The following COL21A1 variants were observed in gnomAD, a reference collection of about 807,000 sequenced individuals.
COL21A1 encodes the protein collagen type XXI alpha 1 chain.
In COL21A1, 149 loss-of-function variants were observed where a neutral mutation model predicts 137.9. The ratio of observed to expected loss-of-function variants is 1.08; its 90% confidence interval spans 0.95 to 1.24. COL21A1 has a LOEUF of 1.24. COL21A1 is among the 50% of genes most tolerant of loss of function. COL21A1 has a pLI of 0.00. For missense variants in COL21A1, 1,167 were observed against 1,158.4 expected (o/e 1.01, Z -0.11); for synonymous variants, 456 against 391.5 (o/e 1.16, Z -1.95).
chr6:56,121,509 T>C lies in COL21A1; in HGVS notation c.1758+2553A>G, dbSNP rs934284075. Among the ~76,000 whole-genome samples, 6 of 116,998 alleles carry C rather than the reference T, an allele frequency of 5.1e-5. No individual in the cohort carries two copies. The Admixed American group carries it at 5.7e-4, about 11-fold the overall frequency. The allele number at this position is 116,998 out of a possible 152,430, so 76.8% of individuals were successfully genotyped here. On this transcript the variant is annotated intron_variant, in intron 16 of 29. Transcript: ENST00000244728. ...ATATACATATATATGTATATTCATA[T>C]GTGTATATATATATACATATACATA...
At chr6:56,252,285 T>G (rs539609268), upstream of COL21A1, among the ~76,000 whole-genome samples, 3 of 152,350 alleles carry the variant, frequency 2.0e-5, no homozygotes, top group South Asian at 2.1e-4. Context: ...TGGCCAACTT[T>G]CCAGGCCTGG....
chr6:56,260,693 C>G (rs12195165), intron 1 of COL21A1, among the ~76,000 whole-genome samples: 3 of 40,610 alleles, frequency 7.4e-5, no homozygotes, highest in Non-Finnish European at 1.4e-4. Flanking sequence ...GGAAGGAAGG[C>G]AGGCAGGCAG....
intron 1 of COL21A1, among the ~76,000 whole-genome samples, chr6:56,359,433 C>T (rs188649402): frequency 6.6e-6 from 1 of 152,270 alleles, no homozygotes; most frequent in East Asian, 1.9e-4. Flanking sequence ...ACCAAAGCAC[C>T]TCACAATACC....
At chr6:56,071,762 G>A (rs918366428) in intron 20 of COL21A1, among the ~76,000 whole-genome samples, 3 of 151,480 alleles carry the variant, frequency 2.0e-5, no homozygotes, top group African/African-American at 7.3e-5. Flanking sequence ...GAGATTTGTT[G>A]AAAGTTATCT....
In COL21A1 at chr6:56,231,996, A is replaced by G. The variant is rs149880243; in HGVS notation, c.-39+15391T>C. 5.3e-3 allele frequency among the ~76,000 whole-genome samples: 799 copies of G among 151,992 alleles called. 3 individuals carry two copies. Among genetic ancestry groups the G allele is most frequent in the Admixed American group, 0.013 (199 of 15,226 alleles). On this transcript the variant is annotated intron_variant, in intron 1 of 29. Transcript: ENST00000244728. Reference sequence around the variant, plus strand: ...TATGAGATTTCTTAAACTATTTGACATTGTTTTCAACACACACAAAAAAAG... The same window carrying G: ...TATGAGATTTCTTAAACTATTTGACGTTGTTTTCAACACACACAAAAAAAG...
Position 56,358,696 on chromosome 6 carries a change from A to G in COL21A1, c.-39+35275T>C, listed in dbSNP as rs57002243. ...CAGAAGAAAAGTTTAGCATTAAAAT[A>G]TGGAATTCTACCAAACATGTCCCCA... On this transcript the variant is annotated intron_variant, in intron 1 of 28. Transcript: ENST00000370819. 7.2e-3 allele frequency among the ~76,000 whole-genome samples: 1,098 copies of G among 152,354 alleles called. 10 individuals are homozygous for G. The highest frequency in any genetic ancestry group is 0.025 in the African/African-American group (1,030 of 41,588).
chr6:56,097,236 C>T (rs1769407868), intron 17 of COL21A1, among the ~76,000 whole-genome samples: 1 of 152,082 alleles, frequency 6.6e-6, no homozygotes, highest in African/African-American at 2.4e-5. Flanking sequence ...TCCTGTGTTC[C>T]CCAATCCATT....
chr6:56,145,596 AG>A (rs1477976455), intron 10 of COL21A1, among the ~76,000 whole-genome samples: 3 of 152,190 alleles, frequency 2.0e-5, no homozygotes, highest in African/African-American at 7.2e-5. Flanking sequence ...TCAACCTTAA[AG>A]AAAGGAAAAT....
chr6:56,179,536 A>G (rs1341899653), intron 3 of COL21A1, 42 bp downstream of exon 3: 2 of 1,448,632 alleles, frequency 1.4e-6, no homozygotes, highest in South Asian at 1.3e-5. Context: ...AAGCACAATT[A>G]TTAATTGCTT....
chr6:56,224,069 T>C (rs1781037157), intron 1 of COL21A1, among the ~76,000 whole-genome samples: 1 of 152,086 alleles, frequency 6.6e-6, no homozygotes, highest in Non-Finnish European at 1.5e-5. Flanking sequence ...GATTTACTAG[T>C]ACCCTTTTTA....
At chr6:56,355,981 G>T (rs1022347500) in intron 1 of COL21A1, among the ~76,000 whole-genome samples, 2 of 152,224 alleles carry the variant, frequency 1.3e-5, no homozygotes, top group Non-Finnish European at 2.9e-5. Flanking sequence ...GGATGCAGAA[G>T]CTGAGGAGGA....
intron 1 of COL21A1, among the ~76,000 whole-genome samples, chr6:56,223,042 C>CA (rs3065976): frequency 0.019 from 2,898 of 149,326 alleles, 26 homozygotes; most frequent in Non-Finnish European, 0.029. Flanking sequence ...CTATTCAGAA[C>CA]AAAAAAAAAA....
intron 1 of COL21A1, among the ~76,000 whole-genome samples, chr6:56,323,804 C>T (rs542450787): frequency 6.6e-6 from 1 of 152,206 alleles, no homozygotes; most frequent in Admixed American, 6.6e-5. Flanking sequence ...TAAGTATTTA[C>T]TTAAGCATTC....
At chr6:56,362,890 G>C (rs1186118685) in intron 1 of COL21A1, among the ~76,000 whole-genome samples, 3 of 152,080 alleles carry the variant, frequency 2.0e-5, no homozygotes, top group African/African-American at 7.2e-5. Context: ...CCACTTGGCA[G>C]CAAACCCTAC....
In COL21A1 at chr6:56,223,854, C is replaced by T. The variant is rs546512517; in HGVS notation, c.-39+23533G>A. ...AATTGATACATGCATTAAGATTTTA[C>T]ATTTTATTTTATTTTTTTAAACTGT... On this transcript the variant is annotated intron_variant, in intron 1 of 29. Transcript: ENST00000244728. Among the ~76,000 whole-genome samples the T allele has an allele frequency of 4.9e-4, 74 of 152,078 alleles. 3 individuals carry two copies. The South Asian group carries it at 0.015, about 31-fold the overall frequency.
chr6:56,342,811 TCTTCCA>T (rs1399850033), intron 1 of COL21A1, among the ~76,000 whole-genome samples: 1 of 152,214 alleles, frequency 6.6e-6, no homozygotes, highest in African/African-American at 2.4e-5. Flanking sequence ...GAATCTTCTT[TCTTCCA>T]TGCTCATACT....
At chr6:56,207,292 G>T (rs1779857598) in intron 1 of COL21A1, among the ~76,000 whole-genome samples, 1 of 152,042 alleles carries the variant, frequency 6.6e-6, no homozygotes, top group South Asian at 2.1e-4. Context: ...CAGCTAACCA[G>T]ACTAATAAAG....
rs760257391 is a variant in COL21A1, at chr6:56,061,652, TC to T, written c.2201del (p.Gly734GlufsTer26). The T allele has an allele frequency of 4.7e-5, 74 of 1,588,644 alleles. No homozygotes were observed. The highest frequency in any genetic ancestry group is 5.9e-5 in the Non-Finnish European group (69 of 1,162,042). On this transcript the variant is annotated frameshift_variant, in exon 25 of 30. Coordinates refer to ENST00000244728, the MANE Select transcript of COL21A1 (RefSeq NM_030820.4). LOFTEE classifies it high-confidence loss of function. The part of the protein sequence containing the change: ...QGIQGHHGAK[G>X]ERGEKGEPGV... ...CATAATATATGAAGAAACATACCTCTCCTTTTGCACCATGATGGCCTTGAAT... is the reference window on the plus strand; with the variant it reads ...CATAATATATGAAGAAACATACCTCTCTTTTGCACCATGATGGCCTTGAAT...
chr6:56,182,339 C>A (rs903640452), intron 2 of COL21A1, among the ~76,000 whole-genome samples, 192 bp downstream of exon 2: 7 of 152,158 alleles, frequency 4.6e-5, no homozygotes, highest in Non-Finnish European at 7.3e-5. Flanking sequence ...GCCATAGAGT[C>A]ATCTCAAAAT....
Sources: allele counts gnomAD v4.1 joint callset (sites outside exome capture counted in the v4.1 genomes callset), GRCh38; gene constraint gnomAD v4.1.1; transcripts MANE v1.5; gene names NCBI Gene and HGNC (gene_info 2026-07-23, HGNC 2026-07-21).